HEPH: variants seen among roughly 807,000 people sequenced by gnomAD.
HEPH encodes the protein hephaestin.
HEPH carries 69 observed loss-of-function variants against 80.8 expected under a neutral mutation model. The ratio of observed to expected loss-of-function variants is 0.85; its 90% CI spans 0.70 to 1.04. The LOEUF is 1.04. HEPH is among the 50% of genes least tolerant of loss of function. The pLI is 0.00. For synonymous variants in HEPH, 431 were observed against 322.8 expected, an observed-to-expected ratio of 1.34 and a Z score of -3.60; for missense variants, 1,115 against 891.3, an observed-to-expected ratio of 1.25 and a Z score of -3.20.
intron 11 of HEPH, 33 bp from the exon 12 acceptor site, chrX:66,200,507 C>G (rs2076264): frequency 1.8e-6 from 2 of 1,124,448 alleles, no homozygotes; most frequent in East Asian, 6.4e-5. Context: ...CTGGTCTCAT[C>G]TCCCCACCTT....
At chrX:66,211,903 A>G (rs1308692660) in intron 15 of HEPH, among the ~76,000 whole-genome samples, 2 of 111,092 alleles carry the variant, frequency 1.8e-5, no homozygotes, top group Admixed American at 1.9e-4. Flanking sequence ...TTTTTTAGAA[A>G]TTTTCATACC....
intron 1 of HEPH, among the ~76,000 whole-genome samples, chrX:66,165,301 G>A (rs755207908): frequency 8.9e-6 from 1 of 111,810 alleles, no homozygotes; most frequent in Non-Finnish European, 1.9e-5. Flanking sequence ...ACAAGAGATA[G>A]GATTTGAATC....
At chrX:66,249,548 A>G (rs1488274102) in intron 15 of HEPH, among the ~76,000 whole-genome samples, 1 of 111,462 alleles carries the variant, frequency 9.0e-6, no homozygotes, top group East Asian at 2.8e-4. Context: ...AGCACTGAGG[A>G]CACAATTGAG....
chrX:66,249,882 A>C (rs1217923575), intron 15 of HEPH, among the ~76,000 whole-genome samples: 1 of 111,592 alleles, frequency 9.0e-6, no homozygotes, highest in Non-Finnish European at 1.9e-5. Context: ...ATTTACAGGA[A>C]GTTATTATGG....
chrX:66,230,991 A>C (rs12011343), intron 15 of HEPH, among the ~76,000 whole-genome samples: 6,470 of 106,999 alleles, frequency 0.06, 528 homozygotes, highest in African/African-American at 0.21. Context: ...AGCTTTCTAC[A>C]TATGGCTAGC....
intron 1 of HEPH, among the ~76,000 whole-genome samples, chrX:66,165,707 C>T (rs2086325188): frequency 9.0e-6 from 1 of 111,679 alleles, no homozygotes. Context: ...TCCAGGTTGG[C>T]ACAAGGTTTC....
chrX:66,188,555 AGGT>A lies in HEPH; in HGVS notation c.808+17_808+19del. The A allele has an allele frequency of 1.7e-6, 2 of 1,187,923 alleles. No individual in the cohort carries two copies. Among genetic ancestry groups the A allele is most frequent in the Non-Finnish European group, 2.3e-6 (2 of 878,003 alleles). On this transcript the variant is annotated intron_variant, in intron 5 of 20. Transcript: ENST00000343002. ...ATAGGATGCATGGTGAGTTGGGAAA[AGGT>A]GGCCACATTGTGACAGGGAACATTG... is the stretch of plus-strand genomic sequence containing the variant.
intron 17 of HEPH, among the ~76,000 whole-genome samples, chrX:66,257,327 G>A (rs973052697): frequency 9.0e-6 from 1 of 111,381 alleles, no homozygotes; most frequent in South Asian, 3.8e-4. Context: ...CACTCTTCAG[G>A]TATAAGTCTA....
Position 66,192,200 on chromosome X carries a change from A to C in HEPH, c.1134A>C (p.Lys378Asn). 8.3e-7 allele frequency: 1 copy of C among 1,210,361 alleles called. No individual in the cohort carries two copies. The highest frequency in any genetic ancestry group is 1.1e-6 in the Non-Finnish European group (1 of 894,692). ...CTCCTGTGGACCTGCTCACAGGCAA[A>C]GTTCGACAGTACTTCATTGAGGCCC... is the stretch of plus-strand genomic sequence containing the variant. ...MAPPVDLLTGKVRQYFIEAHE... is the reference protein window; with the variant it reads ...MAPPVDLLTGNVRQYFIEAHE... Residue 378 changes from lysine to asparagine, a missense_variant, in exon 7 of 21, where the codon AAA becomes AAC. Physicochemically the swap from Lys to Asn is moderately conservative, Grantham distance 94. Coordinates refer to ENST00000343002, the MANE Select transcript of HEPH (RefSeq NM_001367233.3).
intron 9 of HEPH, among the ~76,000 whole-genome samples, chrX:66,195,747 A>T (rs1366037715): frequency 1.8e-5 from 2 of 111,546 alleles, no homozygotes; most frequent in South Asian, 3.7e-4. Flanking sequence ...TTGCTTGGAC[A>T]TGTAGGTTTT....
intron 4 of HEPH, among the ~76,000 whole-genome samples, chrX:66,174,922 T>C (rs1487533649): frequency 8.9e-6 from 1 of 111,779 alleles, no homozygotes; most frequent in African/African-American, 3.3e-5. Context: ...TGTTAGTCCT[T>C]TGTCAGACGT....
intron 11 of HEPH, 48 bp from the exon 12 acceptor site, chrX:66,200,492 G>A (rs368361439): frequency 1.9e-6 from 2 of 1,026,869 alleles, no homozygotes; most frequent in African/African-American, 3.8e-5. Context: ...CAGTGCTGGA[G>A]TAGTCTGGTC....
intron 15 of HEPH, among the ~76,000 whole-genome samples, chrX:66,246,842 T>G (rs754934653): frequency 8.9e-6 from 1 of 112,413 alleles, no homozygotes; most frequent in East Asian, 2.8e-4. Context: ...TTTATTAAAC[T>G]TTTTGTTTCT....
At chrX:66,247,270 C>G (rs761061321) in intron 15 of HEPH, among the ~76,000 whole-genome samples, 2 of 107,691 alleles carry the variant, frequency 1.9e-5, no homozygotes, top group Non-Finnish European at 3.8e-5. Context: ...TCCTTTCTCT[C>G]TCCTCCTTCT....
At chrX:66,237,416 C>T (rs901208273) in intron 15 of HEPH, among the ~76,000 whole-genome samples, 1 of 111,982 alleles carries the variant, frequency 8.9e-6, no homozygotes, top group Non-Finnish European at 1.9e-5. Context: ...GCAGGTTATT[C>T]AGTTTCCATG....
chrX:66,237,252 G>T (rs1226830239), intron 15 of HEPH, among the ~76,000 whole-genome samples: 1 of 110,113 alleles, frequency 9.1e-6, no homozygotes, highest in East Asian at 2.8e-4. Context: ...TTTGTGATGT[G>T]GGCATTTTGT....
chrX:66,233,130 A>T (rs1008766487), intron 15 of HEPH, among the ~76,000 whole-genome samples: 1 of 112,205 alleles, frequency 8.9e-6, no homozygotes, highest in Non-Finnish European at 1.9e-5. Context: ...GTTAAAATTA[A>T]CATAGTTTAC....
intron 15 of HEPH, among the ~76,000 whole-genome samples, chrX:66,221,149 T>C (rs2089629193): frequency 9.0e-6 from 1 of 111,549 alleles, no homozygotes; most frequent in Non-Finnish European, 1.9e-5. Flanking sequence ...GGAACAGGGC[T>C]TGTCGTCTTC....
intron 15 of HEPH, among the ~76,000 whole-genome samples, chrX:66,241,463 A>C (rs1385800429): frequency 8.9e-6 from 1 of 111,933 alleles, no homozygotes; most frequent in Non-Finnish European, 1.9e-5. Context: ...AGCTATTATT[A>C]TTCAAGATAA....
Sources: allele counts gnomAD v4.1 joint callset (sites outside exome capture counted in the v4.1 genomes callset), GRCh38; gene constraint gnomAD v4.1.1; transcripts MANE v1.5; gene names NCBI Gene and HGNC (gene_info 2026-07-23, HGNC 2026-07-21).